DIPK1A: variants seen among roughly 807,000 people sequenced by gnomAD.
DIPK1A encodes divergent protein kinase domain 1A.
A neutral mutation model predicts 40.8 loss-of-function variants in DIPK1A; 27 were observed. The ratio of observed to expected loss-of-function variants is 0.66; its 90% confidence interval spans 0.49 to 0.91. The LOEUF (loss-of-function observed/expected upper bound fraction) is 0.91. Ranked by LOEUF, DIPK1A falls within the 40% of genes least tolerant of loss-of-function variation. The pLI, the probability that DIPK1A is intolerant of heterozygous loss-of-function variation, is 0.00. For missense variants in DIPK1A, 412 were observed against 505.7 expected (o/e 0.81, Z 1.78); for synonymous variants, 166 against 171.3 (o/e 0.97, Z 0.24).
At chr1:92,910,626 T>C (rs942771109) in intron 1 of DIPK1A, among the ~76,000 whole-genome samples, 2 of 151,854 alleles carry the variant, frequency 1.3e-5, no homozygotes, top group Admixed American at 6.6e-5. Flanking sequence ...ATAATTATTA[T>C]TAAAATAAAT....
intron 1 of DIPK1A, among the ~76,000 whole-genome samples, chr1:92,912,765 A>G (rs1216795868): frequency 6.6e-6 from 1 of 152,152 alleles, no homozygotes; most frequent in Non-Finnish European, 1.5e-5. Flanking sequence ...AGCTATACCT[A>G]ATACATTAGA....
intron 2 of DIPK1A, among the ~76,000 whole-genome samples, chr1:92,864,184 T>C (rs1647427686): frequency 2.0e-5 from 3 of 152,190 alleles, no homozygotes. Flanking sequence ...AAATAATAAT[T>C]GATCCTAAGC....
chr1:92,957,317 G>T (rs193003758), intron 1 of DIPK1A, among the ~76,000 whole-genome samples: 1 of 152,332 alleles, frequency 6.6e-6, no homozygotes, highest in East Asian at 1.9e-4. Context: ...GCCTAAAAAT[G>T]GTTTAAGCAG....
chr1:92,947,898 G>T (rs1651436976), intron 1 of DIPK1A, among the ~76,000 whole-genome samples: 1 of 152,142 alleles, frequency 6.6e-6, no homozygotes, highest in Non-Finnish European at 1.5e-5. Flanking sequence ...GGTAGGAAAA[G>T]GTACGGGGGA....
chr1:92,897,050 G>A (rs1195157270), intron 1 of DIPK1A, among the ~76,000 whole-genome samples: 3 of 151,810 alleles, frequency 2.0e-5, no homozygotes, highest in African/African-American at 7.2e-5. Flanking sequence ...CTTTTACACT[G>A]TTGGTGGGAC....
At position 92,890,030 on chromosome 1, in the gene DIPK1A, C is replaced by T. The variant is rs540718641; in HGVS notation, c.55-13600G>A. 2.6e-5 allele frequency among the ~76,000 whole-genome samples: 4 copies of T among 152,142 alleles called. No individual in the cohort carries two copies. In the East Asian group the frequency reaches 7.7e-4, roughly 29 times the overall value. ...TTTCCTTGTAGAGATCTTTCATCTC[C>T]TTAAATTTATTCCTAGGTTTTATGT... On this transcript the variant is annotated intron_variant, in intron 1 of 4. Coordinates refer to ENST00000370310, the MANE Select transcript of DIPK1A (RefSeq NM_001006605.5).
intron 4 of DIPK1A, chr1:92,836,863 G>C (rs1687152572): frequency 4.9e-6 from 1 of 205,768 alleles, no homozygotes; most frequent in Admixed American, 5.3e-5. Flanking sequence ...AGTTAAGTAG[G>C]TTAATTTGTA....
At position 92,891,468 on chromosome 1, in the gene DIPK1A, A is replaced by C. The variant is rs972612862; in HGVS notation, c.55-15038T>G. On this transcript the variant is annotated intron_variant, in intron 1 of 4. Coordinates refer to ENST00000370310, the MANE Select transcript of DIPK1A (RefSeq NM_001006605.5). The stretch of plus-strand genomic sequence containing the variant: ...TCCCTCTTAATCTGCTGTATCCCAC[A>C]GGTTTTGTTATATTGTGTTTCTATT... Among the ~76,000 whole-genome samples, 17 of 152,228 alleles carry C rather than the reference A, an allele frequency of 1.1e-4. No homozygotes were observed. The East Asian group carries it at 3.3e-3, about 29-fold the overall frequency.
chr1:92,944,186 G>T (rs1233391711), intron 1 of DIPK1A, among the ~76,000 whole-genome samples: 2 of 151,908 alleles, frequency 1.3e-5, no homozygotes, highest in Non-Finnish European at 2.9e-5. Flanking sequence ...ATGAATAAAA[G>T]ATAAAAATAA....
At chr1:92,885,096 A>T (rs1056450768) in intron 1 of DIPK1A, among the ~76,000 whole-genome samples, 3 of 152,194 alleles carry the variant, frequency 2.0e-5, no homozygotes, top group Admixed American at 2.0e-4. Context: ...ATACATAAAA[A>T]AAGCAGAGGT....
intron 4 of DIPK1A, among the ~76,000 whole-genome samples, chr1:92,834,373 T>C (rs1687035179): frequency 6.6e-6 from 1 of 152,240 alleles, no homozygotes; most frequent in Non-Finnish European, 1.5e-5. Context: ...CTCACTGGAC[T>C]CTGAAAGCTA....
At chr1:92,922,297 ATTTC>A (rs940923524) in intron 1 of DIPK1A, among the ~76,000 whole-genome samples, 6 of 146,296 alleles carry the variant, frequency 4.1e-5, no homozygotes, top group African/African-American at 1.5e-4. Flanking sequence ...CATTTGAAAT[ATTTC>A]TTTTCAGTTT....
intron 1 of DIPK1A, among the ~76,000 whole-genome samples, chr1:92,901,519 G>A (rs1425161623): frequency 6.6e-6 from 1 of 152,086 alleles, no homozygotes; most frequent in African/African-American, 2.4e-5. Context: ...TCACAGTATA[G>A]CACTGAACCA....
At chr1:92,943,828 A>G (rs556745362) in intron 1 of DIPK1A, among the ~76,000 whole-genome samples, 1 of 152,334 alleles carries the variant, frequency 6.6e-6, no homozygotes, top group East Asian at 1.9e-4. Context: ...CCAGTTACCT[A>G]GTCCTTCTTT....
intron 3 of DIPK1A, among the ~76,000 whole-genome samples, chr1:92,849,307 G>A (rs1334435453): frequency 6.6e-6 from 1 of 150,868 alleles, no homozygotes; most frequent in East Asian, 1.9e-4. Flanking sequence ...CTGGAATCAT[G>A]TAAGGTCTGT....
At chr1:92,863,237 G>A (rs1647361207) in intron 2 of DIPK1A, among the ~76,000 whole-genome samples, 2 of 152,182 alleles carry the variant, frequency 1.3e-5, no homozygotes, top group South Asian at 4.1e-4. Context: ...GCAGTAAGCA[G>A]ACAATAAATA....
At chr1:92,930,225 C>T (rs1319061016) in intron 1 of DIPK1A, among the ~76,000 whole-genome samples, 2 of 152,172 alleles carry the variant, frequency 1.3e-5, no homozygotes, top group African/African-American at 4.8e-5. Context: ...ATTTTAAACA[C>T]ACAGGTCAAT....
chr1:92,918,614 T>A (rs1334791294), intron 1 of DIPK1A, among the ~76,000 whole-genome samples: 1 of 152,192 alleles, frequency 6.6e-6, no homozygotes, highest in Non-Finnish European at 1.5e-5. Flanking sequence ...TCCTAATCAT[T>A]CCTATAACTC....
rs573027707 is a variant in DIPK1A, at chr1:92,938,462, C to T, written c.54+22914G>A. On this transcript the variant is annotated intron_variant, in intron 1 of 4. Transcript: ENST00000370310. ...TCCAGCCTGGGCAACAGAGCGAGAC[C>T]TTTACTAAAAAAAAAAAAAAAAAAA... is the stretch of plus-strand genomic sequence containing the variant. Among the ~76,000 whole-genome samples the T allele has an allele frequency of 6.2e-5, 8 of 129,866 alleles. No individual in the cohort carries two copies. The South Asian group carries it at 1.8e-3, about 30-fold the overall frequency. 85.2% of individuals were successfully genotyped at this position (129,866 alleles called of 152,430 possible).
Sources: gnomAD v4.1 joint callset for allele counts (sites outside exome capture counted in the v4.1 genomes callset) on GRCh38, gnomAD v4.1.1 for gene constraint, MANE v1.5 for transcripts, NCBI Gene and HGNC (gene_info 2026-07-23, HGNC 2026-07-21) for gene names.